The following HPSE2 variants were observed in gnomAD, a reference collection of about 807,000 sequenced individuals.
HPSE2 encodes inactive heparanase-2.
Under a neutral mutation model 60.5 loss-of-function variants are expected in HPSE2, and 38 were observed. That is an observed-to-expected ratio of 0.63 (90% confidence interval 0.48 to 0.82). HPSE2 has a LOEUF of 0.82. HPSE2 is among the 40% of genes least tolerant of loss of function. The probability of loss-of-function intolerance (pLI) is 0.00; values close to 1 mark genes in which losing one functional copy is unlikely to be tolerated. For synonymous variants in HPSE2, 295 were observed against 293.2 expected (o/e 1.01, Z -0.06); for missense variants, 713 against 740.4 (o/e 0.96, Z 0.43).
intron 9 of HPSE2, among the ~76,000 whole-genome samples, chr10:98,569,637 T>A (rs1241790847): frequency 6.6e-6 from 1 of 152,180 alleles, no homozygotes; most frequent in Non-Finnish European, 1.5e-5. Flanking sequence ...CCATGAAGCC[T>A]TTCTTGGTCT....
At chr10:99,121,778 G>A (rs989313842) in intron 3 of HPSE2, among the ~76,000 whole-genome samples, 14 of 151,942 alleles carry the variant, frequency 9.2e-5, no homozygotes, top group South Asian at 2.1e-4. Flanking sequence ...TTAAATATGC[G>A]GGAAGCAATC....
intron 3 of HPSE2, among the ~76,000 whole-genome samples, chr10:98,792,812 C>G (rs1269494735): frequency 6.6e-6 from 1 of 152,118 alleles, no homozygotes; most frequent in Non-Finnish European, 1.5e-5. Context: ...ATAATTTACT[C>G]AGAGAGACAT....
chr10:98,630,182 CG>C (rs1946322970), intron 7 of HPSE2, among the ~76,000 whole-genome samples: 1 of 143,724 alleles, frequency 7.0e-6, no homozygotes, highest in Admixed American at 7.0e-5. Context: ...ACGAAGCAAT[CG>C]TTTTTTTTTT....
intron 1 of HPSE2, among the ~76,000 whole-genome samples, chr10:99,235,214 T>C (rs1396335379): frequency 6.6e-6 from 1 of 152,196 alleles, no homozygotes; most frequent in Non-Finnish European, 1.5e-5. Context: ...TTTTCAGAAG[T>C]AGACGGGAAG....
At chr10:98,477,529 A>C (rs779639282) in intron 11 of HPSE2, among the ~76,000 whole-genome samples, 1 of 152,176 alleles carries the variant, frequency 6.6e-6, no homozygotes, top group Non-Finnish European at 1.5e-5. Context: ...CCTCTTTCCT[A>C]ATTTTTGGAG....
chr10:98,982,083 C>G (rs1465901254), intron 3 of HPSE2, among the ~76,000 whole-genome samples: 1 of 151,184 alleles, frequency 6.6e-6, no homozygotes, highest in Non-Finnish European at 1.5e-5. Context: ...CCTCGTTCAA[C>G]ATACATTTTT....
chr10:99,206,560 CAA>C (rs768456472), intron 2 of HPSE2, among the ~76,000 whole-genome samples: 49 of 88,876 alleles, frequency 5.5e-4, no homozygotes, highest in Non-Finnish European at 4.1e-4. Context: ...GACCCTGTCT[CAA>C]AAAAAAAAAA....
intron 3 of HPSE2, among the ~76,000 whole-genome samples, chr10:98,824,199 T>A (rs1480964881): frequency 6.6e-6 from 1 of 150,856 alleles, no homozygotes; most frequent in Non-Finnish European, 1.5e-5. Context: ...ATTTCATGGT[T>A]TTTAAAGTCA....
chr10:98,517,871 A>G (rs1265425370), intron 9 of HPSE2, among the ~76,000 whole-genome samples: 1 of 152,260 alleles, frequency 6.6e-6, no homozygotes, highest in African/African-American at 2.4e-5. Context: ...TGCGGTCAAA[A>G]CTGAATGAGA....
At chr10:98,644,406 T>C (rs1946714132) in intron 6 of HPSE2, among the ~76,000 whole-genome samples, 1 of 152,132 alleles carries the variant, frequency 6.6e-6, no homozygotes, top group Non-Finnish European at 1.5e-5. Context: ...CTATCCGCTG[T>C]AGAACTTGGA....
chr10:98,475,167 A>G (rs7099579), intron 11 of HPSE2, among the ~76,000 whole-genome samples: 60,611 of 150,036 alleles, frequency 0.4, 13,276 homozygotes, highest in African/African-American at 0.6. Flanking sequence ...GCCCAGGCTG[A>G]AGTGCAGTGG....
At chr10:99,268,145 T>C in the HPSE2 span, among the ~76,000 whole-genome samples, 1 of 152,178 alleles carries the variant, frequency 6.6e-6, no homozygotes, top group Non-Finnish European at 1.5e-5. Context: ...GGGCCCTATC[T>C]TTAGCCTCCT....
chr10:99,287,903 C>T, the HPSE2 span, among the ~76,000 whole-genome samples: 1 of 151,930 alleles, frequency 6.6e-6, no homozygotes, highest in Non-Finnish European at 1.5e-5. Flanking sequence ...ATCCTAAACC[C>T]AAGTCAAAAA....
chr10:98,903,653 G>A (rs2134989512), intron 3 of HPSE2, among the ~76,000 whole-genome samples: 1 of 151,966 alleles, frequency 6.6e-6, no homozygotes, highest in East Asian at 1.9e-4. Context: ...TTTTGTTCTT[G>A]GACTAAAATA....
At chr10:98,611,050 G>A (rs1217368175) in intron 9 of HPSE2, among the ~76,000 whole-genome samples, 1 of 141,694 alleles carries the variant, frequency 7.1e-6, no homozygotes. Context: ...GTGACTGACT[G>A]ACCAGCTGTG....
intron 2 of HPSE2, among the ~76,000 whole-genome samples, chr10:99,202,929 G>A (rs1219038909): frequency 5.3e-5 from 8 of 151,852 alleles, no homozygotes; most frequent in South Asian, 2.1e-4. Flanking sequence ...CATGGAGAGA[G>A]AAGGAAAGAG....
At chr10:98,505,272 G>A (rs913246599) in intron 9 of HPSE2, among the ~76,000 whole-genome samples, 5 of 152,130 alleles carry the variant, frequency 3.3e-5, no homozygotes, top group South Asian at 2.1e-4. Flanking sequence ...GCAAATTAAC[G>A]GACTTCACCC....
chr10:98,726,777 A>G (rs77844756), intron 4 of HPSE2, among the ~76,000 whole-genome samples: 5,982 of 152,120 alleles, frequency 0.039, 188 homozygotes, highest in East Asian at 0.12. Flanking sequence ...GAGGGACTAC[A>G]GGATAGAAGT....
At chr10:98,544,712 C>CAAAAAAAAA (rs58604325) in intron 9 of HPSE2, among the ~76,000 whole-genome samples, 1 of 71,022 alleles carries the variant, frequency 1.4e-5, no homozygotes, top group Non-Finnish European at 2.4e-5. Context: ...GACTCCGTCT[C>CAAAAAAAAA]AAAAAAAAAA....
Sources: gnomAD v4.1 joint callset for allele counts (sites outside exome capture counted in the v4.1 genomes callset) on GRCh38, gnomAD v4.1.1 for gene constraint, MANE v1.5 for transcripts, NCBI Gene and HGNC (gene_info 2026-07-23, HGNC 2026-07-21) for gene names.